The following POM121 variants were observed in gnomAD, a reference collection of about 807,000 sequenced individuals.
POM121 encodes nuclear envelope pore membrane protein POM 121.
Under a neutral mutation model 81.3 loss-of-function variants are expected in POM121, and 32 were observed. That is an observed-to-expected ratio of 0.39 (90% CI 0.30 to 0.53). The LOEUF is 0.53. POM121 is among the 20% of genes least tolerant of loss of function. POM121 has a pLI of 0.66. For missense variants in POM121, 1,138 were observed against 1,614.6 expected, an observed-to-expected ratio of 0.70 and a Z score of 5.06; for synonymous variants, 514 against 694.2, an observed-to-expected ratio of 0.74 and a Z score of 4.08.
intron 3 of POM121, 36 bp downstream of exon 3, chr7:72,926,999 G>T: frequency 6.2e-7 from 1 of 1,613,876 alleles, no homozygotes; most frequent in Non-Finnish European, 8.5e-7. Context: ...CCGGTTTCGC[G>T]CTTGGACTCC....
intron 4 of POM121, among the ~76,000 whole-genome samples, chr7:72,914,923 C>G (rs1794154129): frequency 6.6e-6 from 1 of 152,186 alleles, no homozygotes; most frequent in South Asian, 2.1e-4. Flanking sequence ...CCTCCCCACC[C>G]TGACCCACCT....
chr7:72,948,420 G>A (rs782549132), downstream of POM121: 4 of 1,613,222 alleles, frequency 2.5e-6, no homozygotes, highest in Middle Eastern at 1.7e-4. Context: ...GAGGGCCCAG[G>A]GTCTTCCACG....
upstream of POM121, among the ~76,000 whole-genome samples, chr7:72,921,873 G>T (rs1447267233): frequency 6.6e-6 from 1 of 152,084 alleles, no homozygotes; most frequent in African/African-American, 2.4e-5. Context: ...AAGTGTGTTC[G>T]AATTGTCTGT....
At chr7:72,893,531 C>T (rs1435819984) in intron 3 of POM121, among the ~76,000 whole-genome samples, 5 of 151,978 alleles carry the variant, frequency 3.3e-5, no homozygotes, top group Non-Finnish European at 5.9e-5. Flanking sequence ...TTGCAGTGAG[C>T]GGAGATCACA....
At chr7:72,925,039 T>G (rs2129577658), upstream of POM121, 2 of 1,336,596 alleles carry the variant, frequency 1.5e-6, no homozygotes, top group Admixed American at 4.1e-5. Context: ...CGCGCGCGCA[T>G]GACGTAGAGG....
rs1176934230 is a variant in POM121 at position 72,927,059 on chromosome 7, G to A, written c.1022+96G>A. 8 of 1,586,786 alleles carry A rather than the reference G, an allele frequency of 5.0e-6. No homozygotes were observed. In the Admixed American group the frequency reaches 1.2e-4, roughly 24 times the overall value. ...CATATAGATACAGAGGCCATCTCCAGTTTATGAGCCTTCGTAGGCCCCCTT... is the reference window on the plus strand; with the variant it reads ...CATATAGATACAGAGGCCATCTCCAATTTATGAGCCTTCGTAGGCCCCCTT... On this transcript the variant is annotated intron_variant, in intron 3 of 12. Transcript: ENST00000434423.
intron 7 of POM121, 113 bp from the exon 8 acceptor site, chr7:72,939,734 A>G: frequency 6.2e-7 from 1 of 1,607,946 alleles, no homozygotes; most frequent in Non-Finnish European, 8.5e-7. Context: ...AGAAGATTGA[A>G]TCTTTTCAGA....
Position 72,928,410 on chromosome 7 carries a change from C to T in POM121, c.1048C>T (p.His350Tyr). The T allele has an allele frequency of 6.2e-7, 1 of 1,614,236 alleles. No homozygotes were observed. The highest frequency in any genetic ancestry group is 1.3e-5 in the African/African-American group (1 of 75,076). ...GCGCCATGATAGCAGTGGCAGTGGA[C>T]ATTCAGCATTTGAGCCCCTGGTGGC... ...RRRHDSSGSG[H>Y]SAFEPLVANG... is the part of the protein sequence containing the mutation. Residue 350 changes from histidine to tyrosine, a missense_variant, in exon 4 of 13, where the codon CAT (histidine) becomes TAT (tyrosine). Transcript: ENST00000434423.
At chr7:72,917,784 G>GC (rs1281255848) in intron 4 of POM121, among the ~76,000 whole-genome samples, 1 of 152,220 alleles carries the variant, frequency 6.6e-6, no homozygotes, top group Non-Finnish European at 1.5e-5. Flanking sequence ...AGACAGCTGG[G>GC]CCCGGGGGAC....
At chr7:72,902,338 C>G (rs1304452921) in intron 3 of POM121, among the ~76,000 whole-genome samples, 1 of 145,050 alleles carries the variant, frequency 6.9e-6, no homozygotes, top group Non-Finnish European at 1.5e-5. Flanking sequence ...TCTTGGCTCA[C>G]TGCAACCTCT....
Position 72,946,334 on chromosome 7 carries a change from C to T in POM121, c.*100C>T. The T allele has an allele frequency of 6.7e-7, 1 of 1,490,104 alleles. No individual in the cohort carries two copies. The allele number at this position is 1,490,104 out of a possible 1,614,324, so 92.3% of individuals were successfully genotyped here. ...GACCCTTCCAGTTGCGTAAAGCAAA[C>T]CTACCCCGGATCTCTGGCTTCAGCC... On this transcript the variant is annotated 3_prime_UTR_variant, in exon 13 of 13. Transcript: ENST00000434423.
chr7:72,943,239 C>T lies in POM121; in HGVS notation c.3246C>T (p.Ser1082=), dbSNP rs151149469. 8.0e-4 allele frequency: 1,290 copies of T among 1,612,332 alleles called. No homozygotes were observed. The highest frequency in any genetic ancestry group is 9.7e-4 in the Non-Finnish European group (1,140 of 1,179,628). The change falls in exon 11 of 13, where the codon AGC becomes AGT. Residue 1082 remains serine (S), a synonymous_variant. Transcript: ENST00000434423. ...GFGATTQTAS[S]GSSSSVFGST... ...GAGCCACCACCCAGACCGCCAGCAG[C>T]GGGAGCAGCAGCTCGGTGTTTGGCA...
At position 72,938,642 on chromosome 7, in the gene POM121, C is replaced by T. The variant is rs782423019; in HGVS notation, c.1328C>T (p.Ser443Phe). The change falls in exon 6 of 13, where the codon TCC becomes TTC. Residue 443 changes from serine (S) to phenylalanine (F), a missense_variant. Ser to Phe is a radical substitution (Grantham distance 155, BLOSUM62 -2). Transcript: ENST00000434423. The part of the protein sequence containing the change: ...SSSPFSSPAS[S>F]RSQTPERPAK... ...TCACCCTTCTCTAGCCCAGCCTCCT[C>T]CCGCTCCCAGACACCGGAGAGGCCA... is the stretch of plus-strand genomic sequence containing the variant. 1.2e-6 allele frequency: 2 copies of T among 1,613,780 alleles called. No homozygotes were observed. The highest frequency in any genetic ancestry group is 1.7e-6 in the Non-Finnish European group (2 of 1,179,820).
In POM121 at chr7:72,947,967, C is replaced by T. The variant is rs1797804217; in HGVS notation, c.*1733C>T. 9.4e-7 allele frequency: 1 copy of T among 1,065,634 alleles called. No homozygotes were observed. The allele number at this position is 1,065,634 out of a possible 1,614,324, so 66.0% of individuals were successfully genotyped here. A position where few individuals can be genotyped will look rare whatever the true frequency, so the allele number is the denominator to read the frequency against. On this transcript the variant is annotated 3_prime_UTR_variant, in exon 13 of 13. Transcript: ENST00000434423. ...GTGCAGCTGAGGAGGGAGTGAACCT[C>T]AAGCCTAAATACCTGTTAGGATTGG... is the stretch of plus-strand genomic sequence containing the variant.
At chr7:72,938,487 C>A in intron 5 of POM121, 103 bp from the exon 6 acceptor site, 1 of 1,330,368 alleles carries the variant, frequency 7.5e-7, no homozygotes, top group Non-Finnish European at 1.1e-6. Flanking sequence ...AACCATTTAA[C>A]CATAAAGAAT....
chr7:72,906,696 T>G (rs1793269956), intron 3 of POM121, among the ~76,000 whole-genome samples: 1 of 152,158 alleles, frequency 6.6e-6, no homozygotes, highest in African/African-American at 2.4e-5. Flanking sequence ...AGTCACGGCT[T>G]ACTGCAGCCT....
chr7:72,895,722 C>T (rs1791876659), intron 3 of POM121, among the ~76,000 whole-genome samples: 2 of 151,990 alleles, frequency 1.3e-5, no homozygotes, highest in South Asian at 2.1e-4. Flanking sequence ...GAGTTCGAGA[C>T]CACCCTGGCC....
At chr7:72,950,175 G>A, downstream of POM121, 1 of 1,608,930 alleles carries the variant, frequency 6.2e-7, no homozygotes, top group Non-Finnish European at 8.5e-7. Context: ...GCTTCCCCTT[G>A]AGGGCTCGTA....
chr7:72,933,543 A>AC (rs1227528596), intron 5 of POM121, among the ~76,000 whole-genome samples: 12 of 152,188 alleles, frequency 7.9e-5, no homozygotes, highest in Non-Finnish European at 1.3e-4. Flanking sequence ...TTCCAAATGA[A>AC]GCAAAGTTTT....
Sources: gnomAD v4.1 joint callset for allele counts (sites outside exome capture counted in the v4.1 genomes callset) on GRCh38, gnomAD v4.1.1 for gene constraint, MANE v1.5 for transcripts, NCBI Gene and HGNC (gene_info 2026-07-23, HGNC 2026-07-21) for gene names.